SMAP1: variants seen among roughly 807,000 people sequenced by gnomAD.
The protein encoded by SMAP1 is stromal membrane-associated protein 1.
SMAP1 carries 24 observed loss-of-function variants against 58.5 expected under a neutral mutation model. The observed-to-expected ratio is 0.41, with a 90% confidence interval of 0.30 to 0.58. SMAP1 has a LOEUF of 0.58. Among genes scored for constraint, SMAP1 ranks in the 20% least tolerant of loss-of-function variants. The pLI, the probability that SMAP1 is intolerant of heterozygous loss-of-function variation, is 0.29. For missense variants in SMAP1, 563 were observed against 566.3 expected (o/e 0.99, Z 0.06); for synonymous variants, 216 against 196.6 (o/e 1.10, Z -0.82).
chr6:70,751,762 T>C (rs1424030524), intron 2 of SMAP1, among the ~76,000 whole-genome samples: 9 of 152,156 alleles, frequency 5.9e-5, no homozygotes, highest in Admixed American at 5.9e-4. Context: ...GTACTAAGTA[T>C]TAAAATAGTA....
intron 1 of SMAP1, among the ~76,000 whole-genome samples, chr6:70,712,915 C>T (rs1463937875): frequency 1.3e-5 from 2 of 151,702 alleles, no homozygotes; most frequent in Non-Finnish European, 2.9e-5. Flanking sequence ...CCTCAGCCTC[C>T]TGAGTAGCTG....
intron 1 of SMAP1, among the ~76,000 whole-genome samples, chr6:70,673,641 A>G (rs1766357685): frequency 6.6e-6 from 1 of 152,228 alleles, no homozygotes; most frequent in Non-Finnish European, 1.5e-5. Context: ...TTATAGGACA[A>G]ATTTATATAA....
At chr6:70,805,429 C>T (rs940763116) in intron 6 of SMAP1, among the ~76,000 whole-genome samples, 3 of 152,090 alleles carry the variant, frequency 2.0e-5, no homozygotes, top group South Asian at 4.1e-4. Context: ...TTTTAACTTC[C>T]TTGCGATGGG....
chr6:70,849,478 G>GT (rs1771107273), intron 7 of SMAP1, among the ~76,000 whole-genome samples: 1 of 152,148 alleles, frequency 6.6e-6, no homozygotes, highest in Admixed American at 6.6e-5. Context: ...TAGTGCAGTG[G>GT]TAAAAACAGA....
intron 6 of SMAP1, among the ~76,000 whole-genome samples, chr6:70,811,573 GACAC>G (rs139108005): frequency 2.0e-5 from 3 of 150,302 alleles, no homozygotes; most frequent in East Asian, 2.0e-4. Flanking sequence ...CACCCCTGCT[GACAC>G]ACACACACAC....
At chr6:70,679,966 A>G (rs539887280) in intron 1 of SMAP1, among the ~76,000 whole-genome samples, 5 of 152,340 alleles carry the variant, frequency 3.3e-5, no homozygotes, top group African/African-American at 1.2e-4. Flanking sequence ...GTCTTACACA[A>G]CCTGCCTTTA....
At chr6:70,774,316 T>C (rs1767458075) in intron 4 of SMAP1, among the ~76,000 whole-genome samples, 1 of 152,212 alleles carries the variant, frequency 6.6e-6, no homozygotes, top group Non-Finnish European at 1.5e-5. Context: ...AAGTTAATTA[T>C]ATTCTAAGGC....
chr6:70,823,056 C>T (rs1769959985), intron 6 of SMAP1, among the ~76,000 whole-genome samples: 1 of 152,066 alleles, frequency 6.6e-6, no homozygotes, highest in South Asian at 2.1e-4. Context: ...TCCATTAGAG[C>T]CCTTAGCATA....
intron 2 of SMAP1, among the ~76,000 whole-genome samples, chr6:70,745,975 G>T (rs1425442232): frequency 6.6e-6 from 1 of 152,110 alleles, no homozygotes; most frequent in Non-Finnish European, 1.5e-5. Flanking sequence ...CTCTCTGTTT[G>T]TCTATTATTG....
At chr6:70,687,629 C>G (rs1246042451) in intron 1 of SMAP1, among the ~76,000 whole-genome samples, 1 of 152,026 alleles carries the variant, frequency 6.6e-6, no homozygotes, top group Non-Finnish European at 1.5e-5. Flanking sequence ...CATAGAGAAA[C>G]TATAATGTGT....
rs909161562 is a variant in SMAP1 at position 70,859,560 on chromosome 6, C to A, written c.1270-640C>A. On this transcript the variant is annotated intron_variant, in intron 10 of 10. Coordinates refer to ENST00000370455, the MANE Select transcript of SMAP1 (RefSeq NM_001044305.3). ...TAACTCTGAGTGTAAGTTTTAAACC[C>A]ACTCACTATATGGTAAATCTTGCCT... The A allele has an allele frequency of 5.5e-5, 29 of 531,756 alleles. No individual in the cohort carries two copies. The Admixed American group carries it at 1.0e-3, about 19-fold the overall frequency. 32.9% of individuals were successfully genotyped at this position (531,756 alleles called of 1,614,324 possible).
intron 1 of SMAP1, among the ~76,000 whole-genome samples, chr6:70,721,034 A>C (rs1768501325): frequency 6.6e-6 from 1 of 152,212 alleles, no homozygotes; most frequent in Admixed American, 6.5e-5. Flanking sequence ...TTGTTCTATG[A>C]AAATGATTTG....
At chr6:70,750,588 T>C (rs1456811211) in intron 2 of SMAP1, among the ~76,000 whole-genome samples, 1 of 152,164 alleles carries the variant, frequency 6.6e-6, no homozygotes, top group Non-Finnish European at 1.5e-5. Flanking sequence ...GCAGTGACAG[T>C]ATGTTGGGCA....
chr6:70,837,118 T>A (rs974258815), intron 7 of SMAP1, 90 bp downstream of exon 7: 1 of 864,040 alleles, frequency 1.2e-6, no homozygotes, highest in African/African-American at 1.8e-5. Flanking sequence ...ATCTTGAGTA[T>A]GCCAAAACGT....
chr6:70,783,994 T>A (rs1181648440), intron 4 of SMAP1, among the ~76,000 whole-genome samples: 1 of 151,968 alleles, frequency 6.6e-6, no homozygotes, highest in Non-Finnish European at 1.5e-5. Context: ...CCAAGACACA[T>A]AATTGTCAGA....
intron 1 of SMAP1, among the ~76,000 whole-genome samples, chr6:70,680,712 G>GTTTTTTTTTTTTTTTTTTTTTTTTTTT (rs34867967): frequency 1.3e-5 from 1 of 78,978 alleles, no homozygotes; most frequent in African/African-American, 4.9e-5. Context: ...TGGATTTCCT[G>GTTTTTTTTTTTTTTTTTTTTTTTTTTT]TTTTTTTTTT....
chr6:70,741,986 C>G (rs781411314), intron 2 of SMAP1, among the ~76,000 whole-genome samples: 2 of 152,184 alleles, frequency 1.3e-5, no homozygotes, highest in Non-Finnish European at 2.9e-5. Context: ...TGCAGGGTAC[C>G]AAGTCCCTAG....
intron 2 of SMAP1, among the ~76,000 whole-genome samples, chr6:70,735,835 C>T (rs1562123613): frequency 6.6e-6 from 1 of 152,190 alleles, no homozygotes; most frequent in Admixed American, 6.5e-5. Context: ...TACATAGTTA[C>T]ATAGTTATAC....
chr6:70,755,248 C>T (rs2149889658), intron 3 of SMAP1, among the ~76,000 whole-genome samples, 183 bp downstream of exon 3: 1 of 152,000 alleles, frequency 6.6e-6, no homozygotes, highest in East Asian at 1.9e-4. Flanking sequence ...GAATTTGGCA[C>T]ACAGATTACA....
Sources: gnomAD v4.1 joint callset for allele counts (sites outside exome capture counted in the v4.1 genomes callset) on GRCh38, gnomAD v4.1.1 for gene constraint, MANE v1.5 for transcripts, NCBI Gene and HGNC (gene_info 2026-07-23, HGNC 2026-07-21) for gene names.